ANGPT1: variants seen among roughly 807,000 people sequenced by gnomAD.
The protein encoded by ANGPT1 is angiopoietin 1.
ANGPT1 carries 17 observed loss-of-function variants against 62.2 expected under a neutral mutation model. The observed-to-expected ratio is 0.27, with a 90% confidence interval of 0.19 to 0.41. The LOEUF is 0.41. ANGPT1 is among the 10% of genes least tolerant of loss of function. The probability of loss-of-function intolerance (pLI) is 1.00; values close to 1 mark genes in which losing one functional copy is unlikely to be tolerated. For missense variants in ANGPT1, 478 were observed against 594.9 expected (o/e 0.80, Z 2.04); for synonymous variants, 199 against 198.9 (o/e 1.00, Z 0.00).
At chr8:107,456,218 G>T (rs944888502) in intron 1 of ANGPT1, among the ~76,000 whole-genome samples, 2 of 152,072 alleles carry the variant, frequency 1.3e-5, no homozygotes, top group Non-Finnish European at 2.9e-5. Flanking sequence ...CTGGGTAACT[G>T]TTGAAGTCAC....
chr8:107,301,745 A>G (rs1814594556), intron 5 of ANGPT1, among the ~76,000 whole-genome samples: 1 of 152,040 alleles, frequency 6.6e-6, no homozygotes, highest in East Asian at 1.9e-4. Flanking sequence ...CCCCTTATAG[A>G]CAACATCAAA....
intron 1 of ANGPT1, among the ~76,000 whole-genome samples, chr8:107,457,883 A>G (rs972928665): frequency 6.6e-6 from 1 of 151,582 alleles, no homozygotes; most frequent in Non-Finnish European, 1.5e-5. Flanking sequence ...GGGGAAAAAA[A>G]TACCTATGAA....
intron 1 of ANGPT1, among the ~76,000 whole-genome samples, chr8:107,458,524 T>A (rs1380584595): frequency 6.6e-6 from 1 of 152,278 alleles, no homozygotes; most frequent in East Asian, 1.9e-4. Context: ...TTAAAATATT[T>A]TCAGCAAGAT....
At position 107,462,277 on chromosome 8, in the gene ANGPT1, T is replaced by C. The variant is rs574270274; in HGVS notation, c.297+34985A>G. Among the ~76,000 whole-genome samples the C allele has an allele frequency of 3.3e-5, 5 of 151,938 alleles. No individual in the cohort carries two copies. In the South Asian group the frequency reaches 1.0e-3, roughly 32 times the overall value. On this transcript the variant is annotated intron_variant, in intron 1 of 8. Coordinates refer to ENST00000517746, the MANE Select transcript of ANGPT1 (RefSeq NM_001146.5). Reference sequence around the variant, plus strand: ...AGCTGAAGGCTAAAACTGAAATTGGTTCTGGGAGGACTTCTCACTGCCATC... The same window carrying C: ...AGCTGAAGGCTAAAACTGAAATTGGCTCTGGGAGGACTTCTCACTGCCATC...
intron 8 of ANGPT1, among the ~76,000 whole-genome samples, chr8:107,255,369 T>A (rs1586161868): frequency 1.3e-5 from 2 of 151,846 alleles, no homozygotes; most frequent in Admixed American, 1.3e-4. Flanking sequence ...GGTTAAAGGG[T>A]TGGAGAATAT....
chr8:107,342,178 A>G (rs575667334), intron 2 of ANGPT1, among the ~76,000 whole-genome samples: 1 of 152,192 alleles, frequency 6.6e-6, no homozygotes, highest in East Asian at 1.9e-4. Flanking sequence ...CCCATCAGCT[A>G]TTTGTGGGTA....
At chr8:107,446,353 G>T (rs1301427376) in intron 1 of ANGPT1, among the ~76,000 whole-genome samples, 1 of 152,186 alleles carries the variant, frequency 6.6e-6, no homozygotes, top group Non-Finnish European at 1.5e-5. Flanking sequence ...GCACATGTTA[G>T]TTTGAACTAG....
At chr8:107,385,116 T>C (rs188922300) in intron 1 of ANGPT1, among the ~76,000 whole-genome samples, 202 of 152,090 alleles carry the variant, frequency 1.3e-3, no homozygotes, top group Non-Finnish European at 7.2e-4. Flanking sequence ...TTGGTTCCAA[T>C]TGAGTTTTGG....
At chr8:107,279,054 C>T (rs1347647182) in intron 7 of ANGPT1, among the ~76,000 whole-genome samples, 1 of 152,156 alleles carries the variant, frequency 6.6e-6, no homozygotes, top group Non-Finnish European at 1.5e-5. Context: ...ATTCCGACTC[C>T]AGAGCTCCTT....
intron 1 of ANGPT1, among the ~76,000 whole-genome samples, chr8:107,368,325 T>C (rs1189763127): frequency 6.6e-6 from 1 of 152,190 alleles, no homozygotes; most frequent in African/African-American, 2.4e-5. Context: ...GCTTAAAATA[T>C]TCATCATGCC....
At chr8:107,394,322 C>T (rs185723037) in intron 1 of ANGPT1, among the ~76,000 whole-genome samples, 47 of 152,246 alleles carry the variant, frequency 3.1e-4, no homozygotes, top group African/African-American at 1.1e-3. Flanking sequence ...AATATACAAG[C>T]AAGAAACTAG....
At chr8:107,332,450 G>A (rs6992940) in intron 3 of ANGPT1, among the ~76,000 whole-genome samples, 24,765 of 152,134 alleles carry the variant, frequency 0.16, 2,622 homozygotes, top group Admixed American at 0.26. Context: ...AAAACAAACA[G>A]CAGAGCAAAC....
intron 1 of ANGPT1, among the ~76,000 whole-genome samples, chr8:107,389,817 C>A (rs982219928): frequency 6.6e-6 from 1 of 152,038 alleles, no homozygotes; most frequent in Non-Finnish European, 1.5e-5. Flanking sequence ...ATAGTTGTGG[C>A]TACTCCCTCC....
At chr8:107,402,215 G>T (rs780106834) in intron 1 of ANGPT1, among the ~76,000 whole-genome samples, 1 of 152,102 alleles carries the variant, frequency 6.6e-6, no homozygotes, top group African/African-American at 2.4e-5. Flanking sequence ...ATTTTTTAAC[G>T]CACTGCCAAT....
chr8:107,267,521 G>A (rs916131735), intron 7 of ANGPT1, among the ~76,000 whole-genome samples: 8 of 152,044 alleles, frequency 5.3e-5, no homozygotes, highest in African/African-American at 1.9e-4. Context: ...AGACTTGGAG[G>A]TCAGTTTCTA....
chr8:107,457,551 T>G (rs981573769), intron 1 of ANGPT1, among the ~76,000 whole-genome samples: 7 of 151,962 alleles, frequency 4.6e-5, no homozygotes, highest in African/African-American at 1.7e-4. Context: ...TTAGCAGAAA[T>G]GTACAATAAT....
chr8:107,418,720 T>C (rs1209995870), intron 1 of ANGPT1, among the ~76,000 whole-genome samples: 1 of 152,156 alleles, frequency 6.6e-6, no homozygotes, highest in Non-Finnish European at 1.5e-5. Context: ...AAAATCTGGC[T>C]CATGAAAAAT....
At chr8:107,483,759 T>C (rs909201207) in intron 1 of ANGPT1, among the ~76,000 whole-genome samples, 1 of 152,222 alleles carries the variant, frequency 6.6e-6, no homozygotes, top group Non-Finnish European at 1.5e-5. Context: ...CCTAATACTG[T>C]AATGAAGTGT....
At chr8:107,336,722 G>A (rs1201283878) in intron 2 of ANGPT1, among the ~76,000 whole-genome samples, 1 of 143,532 alleles carries the variant, frequency 7.0e-6, no homozygotes, top group Non-Finnish European at 1.5e-5. Flanking sequence ...ACCAACTAAT[G>A]TTTTACATGC....
Sources: gnomAD v4.1 joint callset for allele counts (sites outside exome capture counted in the v4.1 genomes callset) on GRCh38, gnomAD v4.1.1 for gene constraint, MANE v1.5 for transcripts, NCBI Gene and HGNC (gene_info 2026-07-23, HGNC 2026-07-21) for gene names.